POLR1C: variants seen among roughly 807,000 people sequenced by gnomAD.
POLR1C encodes DNA-directed RNA polymerases I and III subunit RPAC1.
A neutral mutation model predicts 38.3 loss-of-function variants in POLR1C; 42 were observed. The ratio of observed to expected loss-of-function variants is 1.10; its 90% CI spans 0.86 to 1.42. The LOEUF is 1.42. Among genes scored for constraint, POLR1C ranks in the 40% most tolerant of loss-of-function variants. The pLI, the probability that POLR1C is intolerant of heterozygous loss-of-function variation, is 0.00. For synonymous variants in POLR1C, 163 were observed against 163.9 expected (o/e 0.99, Z 0.04); for missense variants, 507 against 450.5 (o/e 1.13, Z -1.14).
intron 9 of POLR1C, among the ~76,000 whole-genome samples, chr6:43,543,685 T>C (rs1417758703): frequency 6.6e-6 from 1 of 151,584 alleles, no homozygotes; most frequent in Non-Finnish European, 1.5e-5. Context: ...TTTTTTTTTC[T>C]TTTTTGAGAC....
intron 9 of POLR1C, among the ~76,000 whole-genome samples, chr6:43,543,454 A>AAAGT (rs140164237): frequency 2.6e-5 from 4 of 151,966 alleles, no homozygotes; most frequent in Non-Finnish European, 2.9e-5. Context: ...TCGTGCCTCA[A>AAAGT]AAGTAAGTAA....
downstream of POLR1C, chr6:43,524,392 A>G (rs1402376479): frequency 2.6e-6 from 4 of 1,520,622 alleles, no homozygotes; most frequent in Admixed American, 4.6e-5. Flanking sequence ...ATGGTCAATA[A>G]CTACAGCTGG....
intron 8 of POLR1C, among the ~76,000 whole-genome samples, chr6:43,527,964 C>T (rs1793705508): frequency 6.6e-6 from 1 of 152,176 alleles, no homozygotes; most frequent in African/African-American, 2.4e-5. Context: ...ACAGTAGCCC[C>T]TATGAAGGCT....
At chr6:43,542,481 C>T (rs1794748361) in intron 9 of POLR1C, among the ~76,000 whole-genome samples, 3 of 152,100 alleles carry the variant, frequency 2.0e-5, no homozygotes. Flanking sequence ...ATGATCTCAG[C>T]TCACTGCAAC....
At chr6:43,519,615 A>G (rs1428824454) in intron 3 of POLR1C, 91 bp from the exon 4 acceptor site, 3 of 1,534,946 alleles carry the variant, frequency 2.0e-6, no homozygotes, top group Admixed American at 3.3e-5. Context: ...AGGAAGAGAG[A>G]TAGCTCCCTA....
intron 10 of POLR1C, chr6:43,553,705 G>A (rs1167201067): frequency 1.1e-5 from 13 of 1,162,302 alleles, no homozygotes; most frequent in Non-Finnish European, 1.5e-5. Context: ...GGTAGGTGAA[G>A]GTTCCTACCA....
chr6:43,560,426 C>T, intron 10 of POLR1C: 1 of 1,237,340 alleles, frequency 8.1e-7, no homozygotes, highest in East Asian at 2.6e-5. Flanking sequence ...TTGAAGCTGT[C>T]TCTACTGCAA....
At chr6:43,547,474 G>A in intron 9 of POLR1C, 1 of 767,360 alleles carries the variant, frequency 1.3e-6, no homozygotes, top group Non-Finnish European at 2.3e-6. Flanking sequence ...AAAGAAAGGA[G>A]AAGCTTAGGG....
chr6:43,528,668 G>A (rs752864224), intron 8 of POLR1C, among the ~76,000 whole-genome samples: 29 of 152,138 alleles, frequency 1.9e-4, no homozygotes, highest in Admixed American at 1.2e-3. Context: ...GGGGCTGCTC[G>A]ATCCTACAGC....
downstream of POLR1C, among the ~76,000 whole-genome samples, chr6:43,531,072 T>A (rs572637335): frequency 6.6e-6 from 1 of 152,326 alleles, no homozygotes; most frequent in African/African-American, 2.4e-5. Flanking sequence ...CTTGGCTGAT[T>A]AGTGTAGTGG....
chr6:43,527,124 T>C (rs1253342884), intron 8 of POLR1C: 13 of 239,764 alleles, frequency 5.4e-5, no homozygotes, highest in Admixed American at 4.0e-4. Context: ...TTGACAAAAC[T>C]AGGAAGTTAT....
At chr6:43,554,193 G>A (rs1164808098) in intron 10 of POLR1C, among the ~76,000 whole-genome samples, 1 of 151,288 alleles carries the variant, frequency 6.6e-6, no homozygotes, top group Non-Finnish European at 1.5e-5. Flanking sequence ...TGCAACATTA[G>A]CCTCCCAGGT....
chr6:43,553,877 C>A (rs1203337222), intron 10 of POLR1C, among the ~76,000 whole-genome samples: 2 of 151,994 alleles, frequency 1.3e-5, no homozygotes, highest in Non-Finnish European at 2.9e-5. Flanking sequence ...CTCCCCTCCT[C>A]CCCCTTTATA....
intron 9 of POLR1C, chr6:43,546,612 C>T (rs549282491): frequency 8.1e-6 from 13 of 1,612,806 alleles, no homozygotes; most frequent in South Asian, 7.7e-5. Flanking sequence ...TCAGAATCTG[C>T]TCTGTGCAGG....
In POLR1C at chr6:43,550,011, G is replaced by A; in HGVS notation, c.*5-957G>A. The stretch of plus-strand genomic sequence containing the variant: ...AGATCTTGCTATGTTGCCCAGACTA[G>A]ACTTGAATTCCTGGGCTCAACTGAT... On this transcript the variant is annotated intron_variant, in intron 9 of 10. Coordinates refer to the POLR1C transcript ENST00000607635. The A allele has an allele frequency of 3.4e-6, 5 of 1,477,514 alleles. No homozygotes were observed. The South Asian group carries it at 6.0e-5, about 18-fold the overall frequency. 91.5% of individuals were successfully genotyped at this position (1,477,514 alleles called of 1,614,324 possible).
intron 10 of POLR1C, among the ~76,000 whole-genome samples, chr6:43,557,615 G>T (rs1176733851): frequency 2.0e-5 from 3 of 152,056 alleles, no homozygotes; most frequent in African/African-American, 7.2e-5. Context: ...AGGGAATTGG[G>T]GGATGACTCC....
chr6:43,519,845 A>G lies in POLR1C; in HGVS notation c.382+7A>G, dbSNP rs1436240386. On this transcript the variant is annotated splice_region_variant and intron_variant, in intron 4 of 8. Transcript: ENST00000642195. ...TTTGAGTATCGGAACCAAGGTGAGA[A>G]AATGAAATTTTGGGAGAAGTGGACT... The G allele has an allele frequency of 1.2e-6, 2 of 1,613,568 alleles. No individual in the cohort carries two copies. Among genetic ancestry groups the G allele is most frequent in the Non-Finnish European group, 1.7e-6 (2 of 1,179,696 alleles).
intron 8 of POLR1C, among the ~76,000 whole-genome samples, chr6:43,528,362 AC>A (rs1345948094): frequency 2.6e-5 from 4 of 152,188 alleles, no homozygotes; most frequent in Non-Finnish European, 5.9e-5. Flanking sequence ...GTTAAAAAAA[AC>A]ATCTATGGTT....
At chr6:43,524,062 T>C, downstream of POLR1C, 2 of 1,585,572 alleles carry the variant, frequency 1.3e-6, no homozygotes, top group East Asian at 2.3e-5. Context: ...AGTTAAAAGA[T>C]TCTCTTGGCC....
Sources: gnomAD v4.1 joint callset for allele counts (sites outside exome capture counted in the v4.1 genomes callset) on GRCh38, gnomAD v4.1.1 for gene constraint, MANE v1.5 for transcripts, NCBI Gene and HGNC (gene_info 2026-07-23, HGNC 2026-07-21) for gene names.